Variants in KAZN observed in about 807,000 individuals in gnomAD.
KAZN encodes kazrin, periplakin interacting protein.
Under a neutral mutation model 87.4 loss-of-function variants are expected in KAZN, and 40 were observed. The observed-to-expected ratio is 0.46, with a 90% confidence interval of 0.36 to 0.60. The LOEUF (loss-of-function observed/expected upper bound fraction) is 0.60. Among genes scored for constraint, KAZN ranks in the 20% least tolerant of loss-of-function variants. The pLI is 0.00. For synonymous variants in KAZN, 466 were observed against 458.3 expected, an observed-to-expected ratio of 1.02 and a Z score of -0.22; for missense variants, 898 against 1,073.9, an observed-to-expected ratio of 0.84 and a Z score of 2.29.
intron 1 of KAZN, among the ~76,000 whole-genome samples, chr1:14,134,970 CA>C (rs1645073437): frequency 1.0e-4 from 1 of 10,046 alleles, no homozygotes; most frequent in African/African-American, 4.6e-4. Flanking sequence ...TATGCACCCG[CA>C]CACACACACA....
chr1:13,896,799 G>A (rs1006784911), intron 1 of KAZN, among the ~76,000 whole-genome samples: 4 of 152,216 alleles, frequency 2.6e-5, no homozygotes, highest in African/African-American at 9.7e-5. Context: ...AGGAGAAAAA[G>A]TTGATTTCCA....
chr1:14,250,048 A>G (rs1649872284), intron 2 of KAZN, among the ~76,000 whole-genome samples: 1 of 152,122 alleles, frequency 6.6e-6, no homozygotes. Flanking sequence ...TATTTTCTAG[A>G]CTTACAGAGT....
intron 1 of KAZN, among the ~76,000 whole-genome samples, chr1:13,931,704 C>G (rs1449010473): frequency 1.3e-5 from 2 of 152,082 alleles, no homozygotes; most frequent in Non-Finnish European, 2.9e-5. Context: ...TATTTGGCCC[C>G]TAGTATATTA....
chr1:14,274,005 G>A (rs895739286), intron 2 of KAZN, among the ~76,000 whole-genome samples: 1 of 152,172 alleles, frequency 6.6e-6, no homozygotes, highest in Admixed American at 6.5e-5. Flanking sequence ...CCATCTGGGA[G>A]GGCTGGAGGT....
intron 1 of KAZN, among the ~76,000 whole-genome samples, chr1:13,897,659 G>A (rs1398974176): frequency 6.6e-6 from 1 of 152,166 alleles, no homozygotes; most frequent in Non-Finnish European, 1.5e-5. Flanking sequence ...TAGTTAACCA[G>A]TGAGATTTCC....
chr1:14,194,398 T>TA (rs780308764), intron 2 of KAZN, among the ~76,000 whole-genome samples: 7 of 152,284 alleles, frequency 4.6e-5, no homozygotes, highest in Admixed American at 4.6e-4. Flanking sequence ...TGGAGTGGAT[T>TA]AAATTCCTCT....
At chr1:14,261,953 C>A (rs964177140) in intron 2 of KAZN, among the ~76,000 whole-genome samples, 1 of 152,122 alleles carries the variant, frequency 6.6e-6, no homozygotes, top group African/African-American at 2.4e-5. Flanking sequence ...GGACAGATGA[C>A]CACTGGCATA....
At chr1:14,279,538 G>A (rs531509230) in intron 2 of KAZN, among the ~76,000 whole-genome samples, 1 of 152,296 alleles carries the variant, frequency 6.6e-6, no homozygotes, top group African/African-American at 2.4e-5. Context: ...GTACTATCAG[G>A]GGTCTGGAGT....
intron 1 of KAZN, among the ~76,000 whole-genome samples, chr1:14,825,939 G>A (rs1244018381): frequency 6.6e-6 from 1 of 152,196 alleles, no homozygotes; most frequent in African/African-American, 2.4e-5. Flanking sequence ...CCCAAGGCCA[G>A]CACGTAGCAG....
intron 1 of KAZN, among the ~76,000 whole-genome samples, chr1:14,604,708 G>A (rs1447582810): frequency 3.9e-5 from 6 of 152,322 alleles, no homozygotes; most frequent in African/African-American, 4.8e-5. Flanking sequence ...TTTATTCTGC[G>A]GGCTTTGTTG....
chr1:14,238,583 T>C (rs1648634580), intron 2 of KAZN, among the ~76,000 whole-genome samples: 1 of 152,250 alleles, frequency 6.6e-6, no homozygotes. Flanking sequence ...GAACAATAGC[T>C]ATGCTAAATT....
chr1:14,478,249 A>AGGAAGGAAGGAAGGAAGGAAG (rs1553178122), intron 2 of KAZN, among the ~76,000 whole-genome samples: 2 of 101,472 alleles, frequency 2.0e-5, no homozygotes, highest in African/African-American at 9.8e-5. Context: ...AGGAAGGAAA[A>AGGAAGGAAGGAAGGAAGGAAG]GAAGGAAGGA....
chr1:14,676,032 C>T (rs909377630), intron 1 of KAZN, among the ~76,000 whole-genome samples: 1 of 151,738 alleles, frequency 6.6e-6, no homozygotes, highest in Non-Finnish European at 1.5e-5. Flanking sequence ...GCTGACCGGA[C>T]GTGTTGGGAA....
intron 2 of KAZN, among the ~76,000 whole-genome samples, chr1:14,419,378 T>G (rs1490720979): frequency 1.3e-5 from 2 of 152,170 alleles, no homozygotes; most frequent in African/African-American, 4.8e-5. Flanking sequence ...TCTATCTCAT[T>G]GCCTGGGAAG....
At chr1:14,909,323 ACT>A (rs1242018612) in intron 1 of KAZN, among the ~76,000 whole-genome samples, 3 of 152,234 alleles carry the variant, frequency 2.0e-5, no homozygotes, top group Admixed American at 6.5e-5. Flanking sequence ...ACTATACTCT[ACT>A]ATCTTGGCAA....
At chr1:13,905,738 G>T (rs532910300) in intron 1 of KAZN, among the ~76,000 whole-genome samples, 5 of 152,266 alleles carry the variant, frequency 3.3e-5, no homozygotes, top group African/African-American at 1.2e-4. Flanking sequence ...AAATCTTAGT[G>T]TGTGCTATCA....
At chr1:14,644,719 T>C (rs370655657) in intron 1 of KAZN, among the ~76,000 whole-genome samples, 86 of 152,340 alleles carry the variant, frequency 5.6e-4, no homozygotes, top group African/African-American at 1.9e-3. Context: ...CTTTATCAGA[T>C]GCATGGTTTG....
At chr1:14,286,461 T>C (rs1653259853) in intron 2 of KAZN, among the ~76,000 whole-genome samples, 1 of 152,218 alleles carries the variant, frequency 6.6e-6, no homozygotes, top group South Asian at 2.1e-4. Context: ...CAATCCCAGT[T>C]CTGAATTTTC....
At chr1:14,537,065 C>A (rs1890784) in intron 2 of KAZN, among the ~76,000 whole-genome samples, 21,596 of 152,168 alleles carry the variant, frequency 0.14, 1,955 homozygotes, top group Non-Finnish European at 0.19. Flanking sequence ...TGTCTTGCAT[C>A]CAGAAGGTAC....
Sources: gnomAD v4.1 joint callset for allele counts (sites outside exome capture counted in the v4.1 genomes callset) on GRCh38, gnomAD v4.1.1 for gene constraint, MANE v1.5 for transcripts, NCBI Gene and HGNC (gene_info 2026-07-23, HGNC 2026-07-21) for gene names.